Variants in MYO3A observed in about 807,000 individuals in gnomAD.
MYO3A encodes myosin IIIA, also known as myosin-IIIa.
MYO3A carries 180 observed loss-of-function variants against 192.7 expected under a neutral mutation model. That is an observed-to-expected ratio of 0.93 (90% CI 0.83 to 1.06). MYO3A has a LOEUF of 1.06. MYO3A is among the 50% of genes least tolerant of loss of function. The pLI is 0.00. For missense variants in MYO3A, 1,896 were observed against 1,905.0 expected (o/e 1.00, Z 0.09); for synonymous variants, 628 against 645.3 (o/e 0.97, Z 0.41).
intron 32 of MYO3A, among the ~76,000 whole-genome samples, chr10:26,196,830 C>T (rs955805116): frequency 2.6e-5 from 4 of 151,718 alleles, no homozygotes; most frequent in African/African-American, 9.7e-5. Context: ...ACTAGTTGTA[C>T]ATGTTTATGG....
chr10:25,979,783 T>C (rs1226108262), intron 4 of MYO3A, among the ~76,000 whole-genome samples: 1 of 152,124 alleles, frequency 6.6e-6, no homozygotes, highest in Non-Finnish European at 1.5e-5. Context: ...CTTGGATAAT[T>C]GTTGTGGGGG....
At chr10:26,157,579 T>C in intron 26 of MYO3A, 64 bp downstream of exon 26, 2 of 1,529,956 alleles carry the variant, frequency 1.3e-6, no homozygotes, top group Non-Finnish European at 1.8e-6. Context: ...AGAAGAATTA[T>C]AAGAAACATA....
intron 1 of MYO3A, among the ~76,000 whole-genome samples, chr10:25,934,897 A>C (rs902469538): frequency 3.3e-5 from 5 of 151,922 alleles, no homozygotes; most frequent in Non-Finnish European, 5.9e-5. Context: ...TTAGGGGTGA[A>C]CTTGGGAAGG....
chr10:25,966,120 T>C (rs190098917), intron 4 of MYO3A, among the ~76,000 whole-genome samples: 77 of 152,132 alleles, frequency 5.1e-4, no homozygotes, highest in African/African-American at 1.8e-3. Context: ...ACTGGGATAA[T>C]GGGTGGAACT....
At chr10:25,996,121 C>G (rs182546811) in intron 4 of MYO3A, among the ~76,000 whole-genome samples, 5 of 152,382 alleles carry the variant, frequency 3.3e-5, no homozygotes, top group African/African-American at 9.6e-5. Flanking sequence ...CAGAGGCAGG[C>G]AGGCCTCCTT....
intron 10 of MYO3A, among the ~76,000 whole-genome samples, chr10:26,065,227 T>C (rs949826948): frequency 4.6e-5 from 7 of 152,266 alleles, no homozygotes; most frequent in African/African-American, 1.7e-4. Context: ...TTTAGCAATG[T>C]AAAGGTCAAT....
At chr10:25,953,995 A>G (rs1837378440) in intron 3 of MYO3A, among the ~76,000 whole-genome samples, 1 of 152,088 alleles carries the variant, frequency 6.6e-6, no homozygotes. Flanking sequence ...CATATTTTTA[A>G]TCAGTCATTT....
chr10:26,158,744 T>C (rs1841303965), intron 26 of MYO3A, among the ~76,000 whole-genome samples: 1 of 152,098 alleles, frequency 6.6e-6, no homozygotes, highest in Admixed American at 6.5e-5. Flanking sequence ...ATAATGAAAT[T>C]TCCATTTTTA....
intron 14 of MYO3A, among the ~76,000 whole-genome samples, chr10:26,081,133 TC>T (rs60099269): frequency 0.15 from 12,312 of 84,908 alleles, 1,289 homozygotes; most frequent in Middle Eastern, 0.28. Flanking sequence ...TATATGCCCT[TC>T]CCCCCCCCCC....
At chr10:25,951,552 G>A (rs764272648) in intron 2 of MYO3A, among the ~76,000 whole-genome samples, 3 of 152,134 alleles carry the variant, frequency 2.0e-5, no homozygotes, top group Admixed American at 6.5e-5. Flanking sequence ...CATAGTATAT[G>A]AGAGAAGAGG....
At chr10:26,056,223 G>C (rs763828141) in intron 10 of MYO3A, among the ~76,000 whole-genome samples, 2 of 152,158 alleles carry the variant, frequency 1.3e-5, no homozygotes, top group Admixed American at 1.3e-4. Context: ...GGGCTCATTA[G>C]TAGACTGGAC....
chr10:26,110,434 T>C (rs1838093671), intron 17 of MYO3A, among the ~76,000 whole-genome samples: 1 of 152,198 alleles, frequency 6.6e-6, no homozygotes, highest in Non-Finnish European at 1.5e-5. Flanking sequence ...AGCTGTAATT[T>C]GTTACAGTGA....
intron 20 of MYO3A, among the ~76,000 whole-genome samples, chr10:26,140,942 T>G (rs1456358684): frequency 7.2e-5 from 11 of 152,172 alleles, no homozygotes; most frequent in Admixed American, 7.2e-4. Context: ...GTTTTTTGTT[T>G]TATGAGATGG....
intron 6 of MYO3A, among the ~76,000 whole-genome samples, chr10:26,015,180 C>G (rs1020750656): frequency 6.6e-6 from 1 of 151,754 alleles, no homozygotes; most frequent in Non-Finnish European, 1.5e-5. Flanking sequence ...GATTATTGCT[C>G]TTTCTATTAG....
chr10:26,196,453 A>C (rs1843411252), intron 32 of MYO3A, among the ~76,000 whole-genome samples: 1 of 152,260 alleles, frequency 6.6e-6, no homozygotes, highest in East Asian at 1.9e-4. Context: ...ATATTTCCAT[A>C]CATCCTAAGT....
chr10:26,081,133 T>TCCCCCCCCCTTCC (rs1835907338), intron 14 of MYO3A, among the ~76,000 whole-genome samples: 5 of 84,980 alleles, frequency 5.9e-5, no homozygotes, highest in African/African-American at 2.1e-4. Context: ...TATATGCCCT[T>TCCCCCCCCCTTCC]CCCCCCCCCC....
chr10:26,050,010 G>A (rs1292748992), intron 10 of MYO3A, among the ~76,000 whole-genome samples: 1 of 151,490 alleles, frequency 6.6e-6, no homozygotes, highest in Non-Finnish European at 1.5e-5. Flanking sequence ...GCTCAGTGAG[G>A]TGTGAGTTAT....
chr10:26,038,661 A>G (rs867579898), intron 10 of MYO3A, among the ~76,000 whole-genome samples: 26 of 152,134 alleles, frequency 1.7e-4, no homozygotes, highest in African/African-American at 5.8e-4. Flanking sequence ...CTCCTTTTCA[A>G]TGTGGACTCC....
chr10:26,064,462 G>A (rs1318836850), intron 10 of MYO3A, among the ~76,000 whole-genome samples: 1 of 152,168 alleles, frequency 6.6e-6, no homozygotes, highest in African/African-American at 2.4e-5. Context: ...AATCATATGG[G>A]CCTTGTAGGC....
Sources: allele counts gnomAD v4.1 joint callset (sites outside exome capture counted in the v4.1 genomes callset), GRCh38; gene constraint gnomAD v4.1.1; transcripts MANE v1.5; gene names NCBI Gene and HGNC (gene_info 2026-07-23, HGNC 2026-07-21).